The following WHRN variants were observed in gnomAD, a reference collection of about 807,000 sequenced individuals.
WHRN encodes the protein whirlin.
A neutral mutation model predicts 68.3 loss-of-function variants in WHRN; 41 were observed. The observed-to-expected ratio is 0.60, with a 90% confidence interval of 0.47 to 0.78. The LOEUF (loss-of-function observed/expected upper bound fraction) is 0.78, where lower values mean the gene tolerates loss of function less well. Ranked by LOEUF, WHRN falls within the 30% of genes least tolerant of loss-of-function variation. The pLI, the probability that WHRN is intolerant of heterozygous loss-of-function variation, is 0.00. For synonymous variants in WHRN, 560 were observed against 561.3 expected (o/e 1.00, Z 0.03); for missense variants, 1,243 against 1,244.7 (o/e 1.00, Z 0.02).
At chr9:114,464,785 A>C (rs1325070275) in intron 3 of WHRN, among the ~76,000 whole-genome samples, 1 of 151,512 alleles carries the variant, frequency 6.6e-6, no homozygotes, top group Non-Finnish European at 1.5e-5. Context: ...GGGAAAGGGG[A>C]GATATGGTAG....
chr9:114,481,625 C>T (rs998801164), intron 1 of WHRN, among the ~76,000 whole-genome samples: 1 of 152,218 alleles, frequency 6.6e-6, no homozygotes, highest in African/African-American at 2.4e-5. Context: ...GCTCCCTCTT[C>T]CATGAGGGCA....
intron 1 of WHRN, among the ~76,000 whole-genome samples, chr9:114,495,450 C>G (rs1251508570): frequency 6.6e-6 from 1 of 152,130 alleles, no homozygotes; most frequent in Non-Finnish European, 1.5e-5. Flanking sequence ...TCCAGCCTCC[C>G]TGGGGCTGGT....
chr9:114,488,593 A>G (rs569977460), intron 1 of WHRN, among the ~76,000 whole-genome samples: 1 of 152,148 alleles, frequency 6.6e-6, no homozygotes, highest in East Asian at 1.9e-4. Context: ...GGATGTAAAC[A>G]AAAGAAAGTC....
rs147266255 is a variant in WHRN at position 114,423,365 on chromosome 9, C to T, written c.1575G>A (p.Thr525=). The change falls in exon 7 of 12, where the codon ACG becomes ACA. Residue 525 remains threonine (T), a synonymous_variant. Coordinates refer to ENST00000362057, the MANE Select transcript of WHRN (RefSeq NM_015404.4). ...TGCCGTGGCTGCCTGTGGATGAACC[C>T]GTGTCACTGTAGGAGACCATGGAGT... ...DTYSMVSYSD[T]GSSTGSHGTS... 39 of 1,613,906 alleles carry T rather than the reference C, an allele frequency of 2.4e-5. 1 individual carries two copies. The highest frequency in any genetic ancestry group is 1.5e-4 in the African/African-American group (11 of 74,888).
At position 114,406,419 on chromosome 9, in the gene WHRN, C is replaced by T. The variant is rs1835031689; in HGVS notation, c.2172G>A (p.Val724=). ...GCTCGCTGTCGGGGCGGTGGACCTC[C>T]ACCATGACAAAGTGCTGGTTTGTGC... ...QTGTNQHFVM[V]EVHRPDSEPD... is the part of the protein sequence containing the mutation. Residue 724 remains valine (V), a synonymous_variant, in exon 9 of 12, where the codon GTG becomes GTA. Coordinates refer to ENST00000362057, the MANE Select transcript of WHRN (RefSeq NM_015404.4). 1 of 1,614,174 alleles carries T rather than the reference C, an allele frequency of 6.2e-7. No individual in the cohort carries two copies. Among genetic ancestry groups the T allele is most frequent in the Non-Finnish European group, 8.5e-7 (1 of 1,180,044 alleles).
intron 1 of WHRN, among the ~76,000 whole-genome samples, chr9:114,494,477 G>C (rs886809355): frequency 6.6e-6 from 1 of 152,180 alleles, no homozygotes; most frequent in Non-Finnish European, 1.5e-5. Context: ...CACTGAAGAG[G>C]AATCTGAGAA....
chr9:114,456,773 G>T (rs1342934060), intron 3 of WHRN, among the ~76,000 whole-genome samples: 1 of 151,332 alleles, frequency 6.6e-6, no homozygotes, highest in Admixed American at 6.6e-5. Flanking sequence ...AGGTTGCAGC[G>T]AGCCGAGATC....
At chr9:114,402,963 G>A in intron 11 of WHRN, 27 bp from the exon 12 acceptor site, 3 of 1,594,684 alleles carry the variant, frequency 1.9e-6, no homozygotes, top group Non-Finnish European at 2.6e-6. Context: ...CAGGGCATGG[G>A]GTGCCCAAGG....
At chr9:114,422,385 A>G (rs1836368889) in intron 7 of WHRN, among the ~76,000 whole-genome samples, 1 of 152,200 alleles carries the variant, frequency 6.6e-6, no homozygotes, top group South Asian at 2.1e-4. Context: ...GGACCTTAAT[A>G]ACCAGTTGTT....
At position 114,504,615 on chromosome 9, in the gene WHRN, T is replaced by G; in HGVS notation, c.187A>C (p.Asn63His). 1 of 1,611,056 alleles carries G rather than the reference T, an allele frequency of 6.2e-7. No homozygotes were observed. The highest frequency in any genetic ancestry group is 1.1e-5 in the South Asian group (1 of 91,008). ...ACGTTGCGGCGCGCGTGGTAAGCGTTCAGGCAGTGGGTGAACTGCTCCCGC... is the reference window on the plus strand; with the variant it reads ...ACGTTGCGGCGCGCGTGGTAAGCGTGCAGGCAGTGGGTGAACTGCTCCCGC... ...AEREQFTHCLNAYHARRNVFD... is the reference protein window; with the variant it reads ...AEREQFTHCLHAYHARRNVFD... Residue 63 changes from asparagine (N) to histidine (H), a missense_variant, in exon 1 of 12, where the codon AAC becomes CAC. By Grantham distance (68) the Asn-to-His change is moderately conservative. Transcript: ENST00000362057.
intron 7 of WHRN, among the ~76,000 whole-genome samples, chr9:114,419,072 A>G (rs1470702708): frequency 6.6e-6 from 1 of 152,248 alleles, no homozygotes; most frequent in Non-Finnish European, 1.5e-5. Flanking sequence ...AATGATGCTT[A>G]ACAGGGAGCT....
chr9:114,439,839 G>A (rs1838213025), intron 3 of WHRN, among the ~76,000 whole-genome samples: 1 of 152,160 alleles, frequency 6.6e-6, no homozygotes, highest in Non-Finnish European at 1.5e-5. Flanking sequence ...TAAGAAAAAG[G>A]TATGTCATGA....
At position 114,467,250 on chromosome 9, in the gene WHRN, A is replaced by C. The variant is rs551941012; in HGVS notation, c.838-858T>G. ...GGACCATGATGGTCCCTGGCTCTACATACATAGGGTGCACCCACTAAATGC... is the reference window on the plus strand; with the variant it reads ...GGACCATGATGGTCCCTGGCTCTACCTACATAGGGTGCACCCACTAAATGC... On this transcript the variant is annotated intron_variant, in intron 2 of 11. Transcript: ENST00000362057. 4.1e-4 allele frequency among the ~76,000 whole-genome samples: 63 copies of C among 152,056 alleles called. No homozygotes were observed. The South Asian group carries it at 0.013, about 31-fold the overall frequency.
chr9:114,403,204 C>G lies in WHRN; in HGVS notation c.2541+13G>C, dbSNP rs985879604. 11 of 1,614,144 alleles carry G rather than the reference C, an allele frequency of 6.8e-6. No individual in the cohort carries two copies. Among genetic ancestry groups the G allele is most frequent in the Non-Finnish European group, 9.3e-6 (11 of 1,179,998 alleles). ...GTAGGGAGAGATGGCAAGTGGGGCCCCTGGGGACATACCTGAATAGTGACA... is the reference window on the plus strand; with the variant it reads ...GTAGGGAGAGATGGCAAGTGGGGCCGCTGGGGACATACCTGAATAGTGACA... On this transcript the variant is annotated intron_variant, in intron 11 of 11. Transcript: ENST00000362057.
chr9:114,456,328 A>G (rs964821463), intron 3 of WHRN, among the ~76,000 whole-genome samples: 1 of 152,174 alleles, frequency 6.6e-6, no homozygotes, highest in African/African-American at 2.4e-5. Flanking sequence ...ACAGGGAGGA[A>G]GACAGAATGC....
chr9:114,428,598 C>T (rs1837102551), intron 3 of WHRN, among the ~76,000 whole-genome samples: 1 of 152,190 alleles, frequency 6.6e-6, no homozygotes, highest in African/African-American at 2.4e-5. Flanking sequence ...CCAGGTCAGG[C>T]CAGCACCAAG....
Position 114,504,648 on chromosome 9 carries a change from C to G in WHRN, c.154G>C (p.Glu52Gln). Residue 52 changes from glutamate (E) to glutamine (Q), a missense_variant, in exon 1 of 12, where the codon GAG becomes CAG. Transcript: ENST00000362057. ...TGGGTGAACTGCTCCCGCTCCGCCT[C>G]GCTCAGCAGCGCGGTCAGCGCTTGG... The part of the protein sequence containing the change: ...LHQALTALLS[E>Q]AEREQFTHCL... 6.2e-7 allele frequency: 1 copy of G among 1,606,344 alleles called. No homozygotes were observed. The highest frequency in any genetic ancestry group is 8.5e-7 in the Non-Finnish European group (1 of 1,177,528).
chr9:114,419,823 G>T (rs1836122797), intron 7 of WHRN, among the ~76,000 whole-genome samples: 1 of 152,206 alleles, frequency 6.6e-6, no homozygotes, highest in Admixed American at 6.5e-5. Context: ...CTCACAGCAA[G>T]AAAGTGGCAG....
intron 11 of WHRN, 57 bp from the exon 12 acceptor site, chr9:114,402,993 G>T: frequency 6.4e-7 from 1 of 1,572,566 alleles, no homozygotes; most frequent in South Asian, 1.1e-5. Context: ...GCCTGGCTTT[G>T]ACCACCAACT....
Sources: gnomAD v4.1 joint callset for allele counts (sites outside exome capture counted in the v4.1 genomes callset) on GRCh38, gnomAD v4.1.1 for gene constraint, MANE v1.5 for transcripts, NCBI Gene and HGNC (gene_info 2026-07-23, HGNC 2026-07-21) for gene names.